Variants in KAZN observed in about 807,000 individuals in gnomAD.
KAZN encodes the protein kazrin.
Under a neutral mutation model 87.4 loss-of-function variants are expected in KAZN, and 40 were observed. The observed-to-expected ratio is 0.46, with a 90% confidence interval of 0.36 to 0.60. The LOEUF (loss-of-function observed/expected upper bound fraction) is 0.60, where lower values mean the gene tolerates loss of function less well. KAZN is among the 20% of genes least tolerant of loss of function. The probability of loss-of-function intolerance (pLI) is 0.00; values close to 1 mark genes in which losing one functional copy is unlikely to be tolerated. For missense variants in KAZN, 898 were observed against 1,073.9 expected, an observed-to-expected ratio of 0.84 and a Z score of 2.29; for synonymous variants, 466 against 458.3, an observed-to-expected ratio of 1.02 and a Z score of -0.22.
At chr1:14,367,359 T>C (rs556963464) in intron 2 of KAZN, among the ~76,000 whole-genome samples, 1 of 152,208 alleles carries the variant, frequency 6.6e-6, no homozygotes, top group South Asian at 2.1e-4. Context: ...AAGCTGTCCC[T>C]CTGAAGGCAA....
chr1:14,834,464 C>A (rs530134747), intron 1 of KAZN, among the ~76,000 whole-genome samples: 2 of 151,266 alleles, frequency 1.3e-5, no homozygotes, highest in African/African-American at 4.9e-5. Flanking sequence ...GGGGTTCACA[C>A]CATTCTCCTG....
In KAZN at chr1:14,838,460, A is replaced by G. The variant is rs190844613; in HGVS notation, c.227-122224A>G. ...AAGTCCAAACCTCAGCTGGGAAGAA[A>G]GAGCCCCCCACCTGGTCAGTTACCC... On this transcript the variant is annotated intron_variant, in intron 1 of 14. Transcript: ENST00000376030. Among the ~76,000 whole-genome samples the G allele has an allele frequency of 2.0e-3, 305 of 152,332 alleles. 1 individual carries two copies. Among genetic ancestry groups the G allele is most frequent in the African/African-American group, 7.2e-3 (301 of 41,570 alleles).
chr1:14,149,013 A>T (rs1645411525), intron 1 of KAZN, among the ~76,000 whole-genome samples: 1 of 150,786 alleles, frequency 6.6e-6, no homozygotes, highest in Admixed American at 6.6e-5. Context: ...TGGAGATCGG[A>T]GCCAGTGCTT....
chr1:14,127,633 T>C (rs6675758), intron 1 of KAZN, among the ~76,000 whole-genome samples: 86,843 of 151,988 alleles, frequency 0.57, 26,059 homozygotes, highest in East Asian at 0.76. Context: ...CAGATAACAC[T>C]CTAAATAAAT....
intron 2 of KAZN, among the ~76,000 whole-genome samples, chr1:14,482,121 C>T (rs1467743287): frequency 6.6e-6 from 1 of 152,126 alleles, no homozygotes; most frequent in Non-Finnish European, 1.5e-5. Context: ...GATAGATGGC[C>T]AAAGGCCAGA....
intron 2 of KAZN, among the ~76,000 whole-genome samples, chr1:14,474,679 T>C (rs1408020502): frequency 6.6e-6 from 1 of 152,144 alleles, no homozygotes; most frequent in East Asian, 1.9e-4. Context: ...GGAAATAATA[T>C]GCCCCTTGGT....
chr1:14,382,651 T>C (rs1412642796), intron 2 of KAZN, among the ~76,000 whole-genome samples: 2 of 147,126 alleles, frequency 1.4e-5, no homozygotes, highest in African/African-American at 4.9e-5. Flanking sequence ...CATGAACTGA[T>C]CATTTTTTAT....
intron 1 of KAZN, among the ~76,000 whole-genome samples, chr1:13,945,184 T>G (rs925281899): frequency 2.0e-5 from 3 of 152,110 alleles, no homozygotes; most frequent in African/African-American, 7.2e-5. Flanking sequence ...ATAAAAAATT[T>G]ATGTGCAGGC....
At chr1:14,247,475 G>C (rs1649620984) in intron 2 of KAZN, among the ~76,000 whole-genome samples, 1 of 152,162 alleles carries the variant, frequency 6.6e-6, no homozygotes, top group Admixed American at 6.5e-5. Flanking sequence ...CATTCAATTT[G>C]CTCTCAATGT....
intron 1 of KAZN, among the ~76,000 whole-genome samples, chr1:14,624,437 C>G (rs865901033): frequency 6.7e-6 from 1 of 150,134 alleles, no homozygotes; most frequent in Non-Finnish European, 1.5e-5. Flanking sequence ...AAAAAAAAAA[C>G]AACAAAAAAA....
intron 2 of KAZN, among the ~76,000 whole-genome samples, chr1:14,968,020 T>C (rs915922006): frequency 6.6e-6 from 1 of 152,180 alleles, no homozygotes; most frequent in Non-Finnish European, 1.5e-5. Context: ...TTTGGGATGA[T>C]TCCAGGGCAT....
intron 1 of KAZN, among the ~76,000 whole-genome samples, chr1:14,861,551 C>T (rs1650856012): frequency 6.6e-6 from 1 of 152,160 alleles, no homozygotes; most frequent in South Asian, 2.1e-4. Flanking sequence ...GAAGTAGACC[C>T]TTGCTGTGTT....
chr1:14,004,066 T>A (rs1231273895), intron 1 of KAZN, among the ~76,000 whole-genome samples: 1 of 151,630 alleles, frequency 6.6e-6, no homozygotes, highest in Non-Finnish European at 1.5e-5. Context: ...GGCAAAGGGT[T>A]TTAGCATTCA....
At chr1:15,038,370 C>T (rs535078868) in intron 3 of KAZN, among the ~76,000 whole-genome samples, 1 of 151,822 alleles carries the variant, frequency 6.6e-6, no homozygotes, top group South Asian at 2.1e-4. Context: ...GTGATGGCTG[C>T]CTTCAGAGGC....
chr1:14,383,429 T>C (rs1382652875), intron 2 of KAZN, among the ~76,000 whole-genome samples: 2 of 152,106 alleles, frequency 1.3e-5, no homozygotes, highest in Non-Finnish European at 2.9e-5. Context: ...GGTTTTCTTC[T>C]AGGGTTTTTA....
chr1:14,290,844 G>T (rs905010357), intron 2 of KAZN, among the ~76,000 whole-genome samples: 3 of 152,218 alleles, frequency 2.0e-5, no homozygotes, highest in Admixed American at 6.5e-5. Context: ...TGATGTTGGT[G>T]AACTACAGAT....
chr1:15,091,585 C>T (rs1305992418), intron 8 of KAZN, among the ~76,000 whole-genome samples: 6 of 152,194 alleles, frequency 3.9e-5, no homozygotes, highest in African/African-American at 1.2e-4. Flanking sequence ...CTTCTGACCT[C>T]GTGATCTACC....
At chr1:14,454,086 T>C (rs1424178436) in intron 2 of KAZN, among the ~76,000 whole-genome samples, 5 of 152,188 alleles carry the variant, frequency 3.3e-5, no homozygotes, top group Non-Finnish European at 7.3e-5. Flanking sequence ...TAAACCAATA[T>C]AGGAAATCCT....
At chr1:14,666,621 T>C (rs1381086117) in intron 1 of KAZN, among the ~76,000 whole-genome samples, 4 of 152,162 alleles carry the variant, frequency 2.6e-5, no homozygotes, top group Non-Finnish European at 4.4e-5. Flanking sequence ...TGGGGGAGGA[T>C]ACTTCCTTGC....
Sources: allele counts gnomAD v4.1 joint callset (sites outside exome capture counted in the v4.1 genomes callset), GRCh38; gene constraint gnomAD v4.1.1; transcripts MANE v1.5; gene names NCBI Gene and HGNC (gene_info 2026-07-23, HGNC 2026-07-21).